The following MAPK3 variants were observed in gnomAD, a reference collection of about 807,000 sequenced individuals.
MAPK3 encodes MAPK 1.
A neutral mutation model predicts 41.8 loss-of-function variants in MAPK3; 30 were observed. That is an observed-to-expected ratio of 0.72 (90% CI 0.54 to 0.97). The LOEUF is 0.97. MAPK3 is among the 50% of genes least tolerant of loss of function. The pLI, the probability that MAPK3 is intolerant of heterozygous loss-of-function variation, is 0.00. For missense variants in MAPK3, 413 were observed against 509.9 expected (o/e 0.81, Z 1.83); for synonymous variants, 222 against 213.4 (o/e 1.04, Z -0.35).
chr16:30,122,743 G>T, intron 1 of MAPK3: 1 of 310,384 alleles, frequency 3.2e-6, no homozygotes, highest in Non-Finnish European at 5.9e-6. Flanking sequence ...TCTGGGCCTC[G>T]CCCCGTGTCA....
chr16:30,122,964 C>A, intron 1 of MAPK3, 76 bp downstream of exon 1: 1 of 1,260,418 alleles, frequency 7.9e-7, no homozygotes, highest in Admixed American at 3.5e-5. Context: ...TCCCGGAAAG[C>A]GCTCGGCGCC....
chr16:30,122,990 G>C (rs2151048534), intron 1 of MAPK3, 50 bp downstream of exon 1: 1 of 1,372,350 alleles, frequency 7.3e-7, no homozygotes, highest in Non-Finnish European at 9.6e-7. Context: ...CTCCTCTCCC[G>C]CGAAGCCCCC....
chr16:30,122,686 CCACTGCCTCTT>C (rs2073028602), intron 1 of MAPK3: 1 of 212,740 alleles, frequency 4.7e-6, no homozygotes, highest in Non-Finnish European at 9.4e-6. Flanking sequence ...AACGGGCCCT[CCACTGCCTCTT>C]CACTAAGGAT....
intron 8 of MAPK3, among the ~76,000 whole-genome samples, 167 bp from the exon 9 acceptor site, chr16:30,114,875 T>A (rs1945686063): frequency 6.6e-6 from 1 of 152,188 alleles, no homozygotes; most frequent in African/African-American, 2.4e-5. Flanking sequence ...GAGGTACTGC[T>A]GTAAGATTAA....
At chr16:30,120,600 C>T (rs1045290012) in intron 2 of MAPK3, among the ~76,000 whole-genome samples, 3 of 151,336 alleles carry the variant, frequency 2.0e-5, no homozygotes, top group African/African-American at 7.3e-5. Flanking sequence ...AGAAGAAGGA[C>T]AAGTTCCCAT....
chr16:30,117,400 C>T, intron 5 of MAPK3, 115 bp from the exon 6 acceptor site: 1 of 1,058,818 alleles, frequency 9.4e-7, no homozygotes, highest in Admixed American at 2.1e-5. Flanking sequence ...ATCCCTCAGT[C>T]ACCTCCTAGT....
At chr16:30,120,913 G>A (rs1215966516) in intron 2 of MAPK3, among the ~76,000 whole-genome samples, 2 of 151,314 alleles carry the variant, frequency 1.3e-5, no homozygotes, top group African/African-American at 4.9e-5. Flanking sequence ...TGAACTCCTG[G>A]CCTCCAGTGA....
chr16:30,118,550 T>TC lies in MAPK3; in HGVS notation c.354-13dup. The TC allele has an allele frequency of 6.2e-7, 1 of 1,605,928 alleles. No homozygotes were observed. The highest frequency in any genetic ancestry group is 8.5e-7 in the Non-Finnish European group (1 of 1,175,026). ...CCTGCACAATGTAGCTGAGGATGGTTCCGCAGACCCCCCCAGGCAGGGGGC... is the reference window on the plus strand; with the variant it reads ...CCTGCACAATGTAGCTGAGGATGGTTCCCGCAGACCCCCCCAGGCAGGGGGC... On this transcript the variant is annotated splice_polypyrimidine_tract_variant and intron_variant, in intron 2 of 8. Transcript: ENST00000263025.
In MAPK3 at chr16:30,123,192, A is replaced by C. The variant is rs1415742359; in HGVS notation, c.18T>G (p.Ala6=). 2 of 980,770 alleles carry C rather than the reference A, an allele frequency of 2.0e-6. No homozygotes were observed. The highest frequency in any genetic ancestry group is 2.2e-5 in the African/African-American group (1 of 44,968). 60.8% of individuals were successfully genotyped at this position (980,770 alleles called of 1,614,324 possible). A position where few individuals can be genotyped will look rare whatever the true frequency, so the allele number is the denominator to read the frequency against. ...GGGGCTCCCCGCCCCCGCCCCCCTG[A>C]GCCGCCGCCGCCGCCATCTCCACTC... MAAAA[A]QGGGGGEPRR... The change falls in exon 1 of 9, where the codon GCT becomes GCG. Residue 6 remains alanine, a synonymous_variant. Transcript: ENST00000263025.
intron 2 of MAPK3, among the ~76,000 whole-genome samples, chr16:30,121,183 A>G (rs2073011779): frequency 6.6e-6 from 1 of 152,220 alleles, no homozygotes; most frequent in South Asian, 2.1e-4. Context: ...ATCTTGGCTC[A>G]CTGCAACCTC....
At chr16:30,122,915 C>G in intron 1 of MAPK3, 125 bp downstream of exon 1, 2 of 893,564 alleles carry the variant, frequency 2.2e-6, no homozygotes, top group Non-Finnish European at 3.1e-6. Context: ...CCGATCATCC[C>G]GAGTCTCCTG....
At chr16:30,121,407 G>C (rs746130420) in intron 2 of MAPK3, among the ~76,000 whole-genome samples, 1 of 152,226 alleles carries the variant, frequency 6.6e-6, no homozygotes, top group Non-Finnish European at 1.5e-5. Flanking sequence ...ACCACGCCCA[G>C]CTGACAGTTT....
intron 5 of MAPK3, 69 bp from the exon 6 acceptor site, chr16:30,117,354 C>T (rs2072967289): frequency 1.3e-6 from 2 of 1,522,152 alleles, no homozygotes; most frequent in Non-Finnish European, 1.8e-6. Flanking sequence ...GGCAACAAGG[C>T]AAGAACAAGA....
rs567762331 is a variant in MAPK3, at chr16:30,121,978, G to T, written c.199C>A (p.Arg67Ser). ...GGGCTGATCTTCTTGATGGCCACGC[G>T]AGTCTTGCGCACGTGGTCATAGGCC... ...SSAYDHVRKT[R>S]VAIKKISPFE... Residue 67 changes from arginine to serine, a missense_variant, in exon 2 of 9, where the codon CGC becomes AGC. Coordinates refer to ENST00000263025, the MANE Select transcript of MAPK3 (RefSeq NM_002746.3). The T allele has an allele frequency of 6.2e-7, 1 of 1,614,028 alleles. No homozygotes were observed. Among genetic ancestry groups the T allele is most frequent in the Non-Finnish European group, 8.5e-7 (1 of 1,180,052 alleles).
rs909514855 is a variant in MAPK3 at position 30,114,218 on chromosome 16, C to G, written c.*523G>C. On this transcript the variant is annotated 3_prime_UTR_variant, in exon 9 of 9. Transcript: ENST00000263025. ...TTCTGCTCACCACACACAGAAGCAG[C>G]GAGGGCACGCGAAGTGACAGCTTTG... The G allele has an allele frequency of 6.6e-6, 1 of 152,172 alleles. No homozygotes were observed. The highest frequency in any genetic ancestry group is 1.9e-4 in the East Asian group (1 of 5,184). The allele number at this position is 152,172 out of a possible 1,614,324, so 9.4% of individuals were successfully genotyped here.
chr16:30,121,719 G>T, intron 2 of MAPK3, 105 bp downstream of exon 2: 1 of 1,214,384 alleles, frequency 8.2e-7, no homozygotes, highest in Non-Finnish European at 1.1e-6. Context: ...TACTGGGTTT[G>T]TTTTGGAGGG....
chr16:30,119,994 C>T (rs1371819745), intron 2 of MAPK3, among the ~76,000 whole-genome samples: 2 of 152,126 alleles, frequency 1.3e-5, no homozygotes, highest in Non-Finnish European at 2.9e-5. Context: ...CAGGGCGAAA[C>T]CCCGCATCTA....
At chr16:30,120,303 C>T (rs1014971024) in intron 2 of MAPK3, among the ~76,000 whole-genome samples, 5 of 152,004 alleles carry the variant, frequency 3.3e-5, no homozygotes, top group Non-Finnish European at 5.9e-5. Context: ...GATCACACAG[C>T]GAGCTGGGGG....
rs980128823 is a variant in MAPK3 at position 30,123,099 on chromosome 16, G to A, written c.111C>T (p.Asp37=). 8 of 1,563,616 alleles carry A rather than the reference G, an allele frequency of 5.1e-6. No homozygotes were observed. Among genetic ancestry groups the A allele is most frequent in the Non-Finnish European group, 6.9e-6 (8 of 1,155,928 alleles). The part of the protein sequence containing the change: ...EVEMVKGQPF[D]VGPRYTQLQY... ...GCAACTGCGTGTAGCGCGGGCCCAC[G>A]TCGAACGGCTGCCCCTTCACCATCT... Residue 37 remains aspartate, a synonymous_variant, in exon 1 of 9, where the codon GAC becomes GAT. Transcript: ENST00000263025.
Sources: gnomAD v4.1 joint callset for allele counts (sites outside exome capture counted in the v4.1 genomes callset) on GRCh38, gnomAD v4.1.1 for gene constraint, MANE v1.5 for transcripts, NCBI Gene and HGNC (gene_info 2026-07-23, HGNC 2026-07-21) for gene names.